SLC10A2: variants seen among roughly 807,000 people sequenced by gnomAD.
SLC10A2 encodes ileal sodium/bile acid cotransporter.
In SLC10A2, 34 loss-of-function variants were observed where a neutral mutation model predicts 27.1. The ratio of observed to expected loss-of-function variants is 1.26; its 90% CI spans 0.96 to 1.67. The LOEUF is 1.67. SLC10A2 is among the 40% of genes most tolerant of loss of function. The probability of loss-of-function intolerance (pLI) is 0.00; values close to 1 mark genes in which losing one functional copy is unlikely to be tolerated. For synonymous variants in SLC10A2, 205 were observed against 174.0 expected, an observed-to-expected ratio of 1.18 and a Z score of -1.40; for missense variants, 530 against 444.4, an observed-to-expected ratio of 1.19 and a Z score of -1.73.
intron 2 of SLC10A2, among the ~76,000 whole-genome samples, chr13:103,056,644 T>G (rs1293436512): frequency 1.1e-4 from 16 of 151,920 alleles, no homozygotes; most frequent in Non-Finnish European, 4.4e-5. Context: ...TAAACTATGG[T>G]TTTTAGCTCT....
chr13:103,049,286 T>C lies in SLC10A2; in HGVS notation c.919+3A>G, dbSNP rs762003046. 4 of 1,613,500 alleles carry C rather than the reference T, an allele frequency of 2.5e-6. No individual in the cohort carries two copies. Among genetic ancestry groups the C allele is most frequent in the Non-Finnish European group, 2.5e-6 (3 of 1,179,576 alleles). On this transcript the variant is annotated splice_donor_region_variant and intron_variant, in intron 5 of 5. Coordinates refer to ENST00000245312, the MANE Select transcript of SLC10A2 (RefSeq NM_000452.3). The stretch of plus-strand genomic sequence containing the variant: ...ATGAAATGGGATTGGCATGATTCCT[T>C]ACATCCTAAGAATATTGCGGCAAAG...
In SLC10A2 at chr13:103,046,185, G is replaced by A; in HGVS notation, c.995C>T (p.Pro332Leu). 6.2e-7 allele frequency: 1 copy of A among 1,613,806 alleles called. No homozygotes were observed. Among genetic ancestry groups the A allele is most frequent in the African/African-American group, 1.3e-5 (1 of 74,990 alleles). The change falls in exon 6 of 6, where the codon CCA (proline) becomes CTA (leucine). Residue 332 changes from proline (P) to leucine (L), a missense_variant. By Grantham distance (98) the Pro-to-Leu change is moderately conservative (BLOSUM62 -3). Coordinates refer to ENST00000245312, the MANE Select transcript of SLC10A2 (RefSeq NM_000452.3). Reference sequence around the variant, plus strand: ...ATTTGCCTTATAAAACGATGACTCTGGCTCCGTTCCATTTTCTTTGCTCTC... The same window carrying A: ...ATTTGCCTTATAAAACGATGACTCTAGCTCCGTTCCATTTTCTTTGCTCTC... ...IPESKENGTE[P>L]ESSFYKANGG...
At chr13:103,059,824 C>A (rs1259737288) in intron 1 of SLC10A2, among the ~76,000 whole-genome samples, 1 of 152,140 alleles carries the variant, frequency 6.6e-6, no homozygotes, top group Non-Finnish European at 1.5e-5. Context: ...CGCTGTGTTG[C>A]CATAAAGCAG....
intron 5 of SLC10A2, among the ~76,000 whole-genome samples, chr13:103,047,248 AGATAAT>A (rs1875639847): frequency 6.6e-6 from 1 of 152,174 alleles, no homozygotes; most frequent in Admixed American, 6.5e-5. Context: ...CAGCTGAGAG[AGATAAT>A]GACTTGCTTC....
chr13:103,060,993 A>G (rs895257173), intron 1 of SLC10A2, among the ~76,000 whole-genome samples: 4 of 152,244 alleles, frequency 2.6e-5, no homozygotes, highest in Non-Finnish European at 5.9e-5. Context: ...GGGTGGGACA[A>G]AGTTCATCAG....
At chr13:103,057,021 C>A (rs993188938) in intron 2 of SLC10A2, among the ~76,000 whole-genome samples, 2 of 152,166 alleles carry the variant, frequency 1.3e-5, no homozygotes, top group African/African-American at 4.8e-5. Context: ...GCATTTCAGC[C>A]CAGCTTCCTA....
Position 103,065,809 on chromosome 13 carries a change from C to T in SLC10A2, c.377+64G>A, listed in dbSNP as rs533494436. 213 of 1,585,562 alleles carry T rather than the reference C, an allele frequency of 1.3e-4. No individual in the cohort carries two copies. The African/African-American group carries it at 2.6e-3, about 19-fold the overall frequency. On this transcript the variant is annotated intron_variant, in intron 1 of 5. Coordinates refer to ENST00000245312, the MANE Select transcript of SLC10A2 (RefSeq NM_000452.3). ...GCAAATCAGTTGGACATTCAGAATG[C>T]CATAGGCTTCTGGAAGGATTACTCC...
In SLC10A2 at chr13:103,059,463, C is replaced by T. The variant is rs559938546; in HGVS notation, c.378-1081G>A. ...AAGAATCTGTCTCAACCTGTAGCAT[C>T]GTCTGGTGTGATGAACAGTAATATA... On this transcript the variant is annotated intron_variant, in intron 1 of 5. Transcript: ENST00000245312. Among the ~76,000 whole-genome samples the T allele has an allele frequency of 8.4e-4, 128 of 152,288 alleles. 1 individual carries two copies. Among genetic ancestry groups the T allele is most frequent in the Middle Eastern group, 3.4e-3 (1 of 294 alleles).
chr13:103,046,248 T>C lies in SLC10A2; in HGVS notation c.932A>G (p.Tyr311Cys), dbSNP rs1260206891. The part of the protein sequence containing the change: ...AAIFLGFYVA[Y>C]KKCHGKNKAE... Reference sequence around the variant, plus strand: ...CTTGTTTTTTCCATGACATTTCTTGTATGCCACATAAACTAGAAAACAATA... The same window carrying C: ...CTTGTTTTTTCCATGACATTTCTTGCATGCCACATAAACTAGAAAACAATA... Residue 311 changes from tyrosine (Y) to cysteine (C), a missense_variant, in exon 6 of 6, where the codon TAC becomes TGC. Transcript: ENST00000245312. 12 of 1,612,248 alleles carry C rather than the reference T, an allele frequency of 7.4e-6. No individual in the cohort carries two copies. The highest frequency in any genetic ancestry group is 1.0e-5 in the Non-Finnish European group (12 of 1,178,640).
chr13:103,054,549 T>A (rs1311130585), intron 2 of SLC10A2, among the ~76,000 whole-genome samples: 1 of 152,134 alleles, frequency 6.6e-6, no homozygotes, highest in Non-Finnish European at 1.5e-5. Flanking sequence ...TTAGTGTGGT[T>A]AGGTTTTGGT....
chr13:103,046,312 A>C (rs755597660), intron 5 of SLC10A2, 52 bp from the exon 6 acceptor site: 2 of 1,442,310 alleles, frequency 1.4e-6, no homozygotes, highest in Non-Finnish European at 1.9e-6. Flanking sequence ...ATAAACTGCA[A>C]AATTACTTTG....
Position 103,046,220 on chromosome 13 carries a change from T to C in SLC10A2, c.960A>G (p.Ala320=). The stretch of plus-strand genomic sequence containing the variant: ...CATTTTCTTTGCTCTCTGGAATTTC[T>C]GCCTTGTTTTTTCCATGACATTTCT... ...AYKKCHGKNK[A]EIPESKENGT... The change falls in exon 6 of 6, where the codon GCA becomes GCG. Residue 320 remains alanine, a synonymous_variant. Coordinates refer to ENST00000245312, the MANE Select transcript of SLC10A2 (RefSeq NM_000452.3). The C allele has an allele frequency of 6.2e-7, 1 of 1,613,674 alleles. No homozygotes were observed. The highest frequency in any genetic ancestry group is 8.5e-7 in the Non-Finnish European group (1 of 1,179,634).
intron 4 of SLC10A2, among the ~76,000 whole-genome samples, chr13:103,049,864 A>G (rs1258176225): frequency 6.6e-6 from 1 of 152,166 alleles, no homozygotes; most frequent in Non-Finnish European, 1.5e-5. Context: ...AGGCTGGGCT[A>G]AACAGGTGGC....
Position 103,066,158 on chromosome 13 carries a change from C to G in SLC10A2, c.92G>C (p.Ser31Thr). ...GGTCAGCACCGTACTTAGGACCACA[C>G]TTAGGATGTTATTGAAATTGCTCTC... ...VPESNFNNIL[S>T]VVLSTVLTIL... The change falls in exon 1 of 6, where the codon AGT (serine) becomes ACT (threonine). Residue 31 changes from serine to threonine, a missense_variant. By Grantham distance (58) the Ser-to-Thr change is moderately conservative. Transcript: ENST00000245312. 2.5e-6 allele frequency: 4 copies of G among 1,614,078 alleles called. No homozygotes were observed. The highest frequency in any genetic ancestry group is 2.5e-6 in the Non-Finnish European group (3 of 1,179,966).
chr13:103,045,974 C>A lies in SLC10A2; in HGVS notation c.*159G>T. The A allele has an allele frequency of 1.4e-6, 1 of 735,030 alleles. No homozygotes were observed. Among genetic ancestry groups the A allele is most frequent in the East Asian group, 2.7e-5 (1 of 36,550 alleles). 45.5% of individuals were successfully genotyped at this position (735,030 alleles called of 1,614,324 possible). A position where few individuals can be genotyped will look rare whatever the true frequency, so the allele number is the denominator to read the frequency against. On this transcript the variant is annotated 3_prime_UTR_variant, in exon 6 of 6. Coordinates refer to ENST00000245312, the MANE Select transcript of SLC10A2 (RefSeq NM_000452.3). ...TATTTGTCCCATTAAAGAATTGGGCCACCAGTCACTTGGTACTGAAACCAA... is the reference window on the plus strand; with the variant it reads ...TATTTGTCCCATTAAAGAATTGGGCAACCAGTCACTTGGTACTGAAACCAA...
At position 103,066,181 on chromosome 13, in the gene SLC10A2, C is replaced by G. The variant is rs780641633; in HGVS notation, c.69G>C (p.Glu23Asp). The G allele has an allele frequency of 6.2e-6, 10 of 1,614,110 alleles. No homozygotes were observed. Among genetic ancestry groups the G allele is most frequent in the Non-Finnish European group, 7.6e-6 (9 of 1,180,040 alleles). The stretch of plus-strand genomic sequence containing the variant: ...CACTTAGGATGTTATTGAAATTGCT[C>G]TCAGGTACCACACAGGATGCACCAG... ...VCSGASCVVP[E>D]SNFNNILSVV... Residue 23 changes from glutamate (E) to aspartate (D), a missense_variant, in exon 1 of 6, where the codon GAG becomes GAC. Glu to Asp is a conservative substitution (Grantham distance 45). Transcript: ENST00000245312.
rs756964952 is a variant in SLC10A2, at chr13:103,052,726, G to A, written c.497-18C>T. 4 of 1,460,814 alleles carry A rather than the reference G, an allele frequency of 2.7e-6. No individual in the cohort carries two copies. The highest frequency in any genetic ancestry group is 3.8e-6 in the Non-Finnish European group (4 of 1,040,490). 90.5% of individuals were successfully genotyped at this position (1,460,814 alleles called of 1,614,324 possible). A position where few individuals can be genotyped will look rare whatever the true frequency, so the allele number is the denominator to read the frequency against. On this transcript the variant is annotated intron_variant, in intron 2 of 5. Coordinates refer to ENST00000245312, the MANE Select transcript of SLC10A2 (RefSeq NM_000452.3). ...AGATGTACCTAAAGATGACAGAAGG[G>A]CAATGTGATCAGCAGAACAGGTGAC... is the stretch of plus-strand genomic sequence containing the variant.
intron 3 of SLC10A2, 108 bp from the exon 4 acceptor site, chr13:103,051,540 ATGATAAAGT>A (rs1410205967): frequency 2.4e-6 from 3 of 1,229,320 alleles, no homozygotes; most frequent in East Asian, 5.1e-5. Context: ...GGGGGAAGTG[ATGATAAAGT>A]TGTCTTTCTA....
At chr13:103,047,086 C>T (rs764510300) in intron 5 of SLC10A2, among the ~76,000 whole-genome samples, 7 of 152,172 alleles carry the variant, frequency 4.6e-5, no homozygotes, top group Non-Finnish European at 7.3e-5. Context: ...TAGGACCCCT[C>T]GAATTCTAAT....
Sources: allele counts gnomAD v4.1 joint callset (sites outside exome capture counted in the v4.1 genomes callset), GRCh38; gene constraint gnomAD v4.1.1; transcripts MANE v1.5; gene names NCBI Gene and HGNC (gene_info 2026-07-23, HGNC 2026-07-21).